ZFAT: variants seen among roughly 807,000 people sequenced by gnomAD.
ZFAT encodes zinc finger protein ZFAT.
ZFAT carries 64 observed loss-of-function variants against 117.7 expected under a neutral mutation model. The ratio of observed to expected loss-of-function variants is 0.54; its 90% confidence interval spans 0.44 to 0.67. The LOEUF is 0.67. Among genes scored for constraint, ZFAT ranks in the 30% least tolerant of loss-of-function variants. The pLI, the probability that ZFAT is intolerant of heterozygous loss-of-function variation, is 0.00. For missense variants in ZFAT, 1,433 were observed against 1,584.5 expected (o/e 0.90, Z 1.62); for synonymous variants, 679 against 615.0 (o/e 1.10, Z -1.54).
At chr8:134,712,816 GTCTC>G in intron 1 of ZFAT, 25 bp downstream of exon 1, 1 of 400,190 alleles carries the variant, frequency 2.5e-6, no homozygotes, top group Non-Finnish European at 3.7e-6. Context: ...CCCCCACCCC[GTCTC>G]ACCCCAACCC....
upstream of ZFAT, among the ~76,000 whole-genome samples, chr8:134,715,039 C>G (rs1180573356): frequency 6.6e-6 from 1 of 152,186 alleles, no homozygotes; most frequent in Non-Finnish European, 1.5e-5. Context: ...TTACAATAAT[C>G]ATTATTTTGC....
At chr8:134,514,434 G>A (rs1280443294) in intron 13 of ZFAT, among the ~76,000 whole-genome samples, 1 of 152,124 alleles carries the variant, frequency 6.6e-6, no homozygotes, top group Non-Finnish European at 1.5e-5. Context: ...AATTGTTTTT[G>A]CATAGATGAA....
At chr8:134,496,254 AAGAAG>A (rs1818427256) in intron 15 of ZFAT, among the ~76,000 whole-genome samples, 1 of 152,248 alleles carries the variant, frequency 6.6e-6, no homozygotes. Context: ...CACAAGTTCA[AAGAAG>A]AGAAGTGTTT....
intron 3 of ZFAT, among the ~76,000 whole-genome samples, chr8:134,627,876 T>C (rs1218326051): frequency 6.6e-6 from 1 of 152,118 alleles, no homozygotes. Flanking sequence ...TGGACTTTGG[T>C]AAAGAAAAGA....
intron 3 of ZFAT, among the ~76,000 whole-genome samples, chr8:134,621,280 T>C (rs1389768034): frequency 6.6e-6 from 1 of 151,750 alleles, no homozygotes; most frequent in African/African-American, 2.4e-5. Flanking sequence ...TTTCTAACAG[T>C]AGTCTATGCC....
At chr8:134,589,987 C>T (rs1045707114) in intron 8 of ZFAT, among the ~76,000 whole-genome samples, 11 of 152,290 alleles carry the variant, frequency 7.2e-5, no homozygotes, top group Admixed American at 1.3e-4. Flanking sequence ...CATATGCGAC[C>T]CATCGAAAGG....
chr8:134,506,133 C>A (rs538035202), intron 15 of ZFAT, among the ~76,000 whole-genome samples: 1 of 152,114 alleles, frequency 6.6e-6, no homozygotes, highest in African/African-American at 2.4e-5. Context: ...ATTTCCTGTG[C>A]GGCTAGCTGT....
At chr8:134,673,634 G>C (rs1483549965) in intron 1 of ZFAT, 2 of 152,402 alleles carry the variant, frequency 1.3e-5, no homozygotes, top group African/African-American at 4.8e-5. Context: ...CTGTCTGCTT[G>C]TATCTTTTCC....
At chr8:134,528,659 C>T (rs1462153854) in intron 12 of ZFAT, among the ~76,000 whole-genome samples, 2 of 152,224 alleles carry the variant, frequency 1.3e-5, no homozygotes, top group African/African-American at 4.8e-5. Context: ...CCTCTTCCTC[C>T]AGTTACCCAC....
chr8:134,619,966 C>T (rs1563685024), intron 3 of ZFAT, among the ~76,000 whole-genome samples: 1 of 152,144 alleles, frequency 6.6e-6, no homozygotes, highest in East Asian at 1.9e-4. Flanking sequence ...TCTGCAGGAG[C>T]AGAAGTTTAG....
intron 1 of ZFAT, among the ~76,000 whole-genome samples, chr8:134,693,915 T>C (rs1033719749): frequency 4.6e-5 from 7 of 152,192 alleles, no homozygotes; most frequent in Admixed American, 2.0e-4. Flanking sequence ...CAAATCATGA[T>C]CACGTGTCTC....
chr8:134,565,097 G>A (rs1326248630), intron 11 of ZFAT: 1 of 1,491,330 alleles, frequency 6.7e-7, no homozygotes, highest in Non-Finnish European at 8.9e-7. Flanking sequence ...TCTTCTGTCT[G>A]CATCCTCTTA....
At chr8:134,505,401 C>T (rs894314791) in intron 15 of ZFAT, among the ~76,000 whole-genome samples, 2 of 152,322 alleles carry the variant, frequency 1.3e-5, no homozygotes, top group African/African-American at 4.8e-5. Context: ...CCGCACCCCT[C>T]AACCAAAGCT....
In ZFAT at chr8:134,608,740, C is replaced by T. The variant is rs1173907688; in HGVS notation, c.774G>A (p.Met258Ile). Residue 258 changes from methionine (M) to isoleucine (I), a missense_variant, in exon 5 of 16, where the codon ATG (methionine) becomes ATA (isoleucine). Met to Ile is a conservative substitution (Grantham distance 10, BLOSUM62 1). This residue lies in a region of ZFAT where 436 missense variants were observed against 482.0 expected (regional missense o/e 0.90). Coordinates refer to ENST00000377838, the MANE Select transcript of ZFAT (RefSeq NM_020863.4). ...ACAAAACACTTTACCTGCTTGACTT[C>T]ATTGGTTGCTCATAAGGTGTCTGCT... The part of the protein sequence containing the change: ...AIQQTPYEQP[M>I]KSSRLGPTQL... The T allele has an allele frequency of 6.2e-7, 1 of 1,610,348 alleles. No homozygotes were observed. The highest frequency in any genetic ancestry group is 1.3e-5 in the African/African-American group (1 of 74,688).
At chr8:134,520,543 G>C (rs948095251) in intron 13 of ZFAT, among the ~76,000 whole-genome samples, 1 of 152,132 alleles carries the variant, frequency 6.6e-6, no homozygotes, top group African/African-American at 2.4e-5. Context: ...TCTCGGTGAG[G>C]ATGGCAATAC....
rs1819672559 is a variant in ZFAT at position 134,509,732 on chromosome 8, T to C, written c.3379A>G (p.Thr1127Ala). 6.2e-7 allele frequency: 1 copy of C among 1,608,322 alleles called. No homozygotes were observed. The highest frequency in any genetic ancestry group is 8.5e-7 in the Non-Finnish European group (1 of 1,178,112). The change falls in exon 15 of 16, where the codon ACG becomes GCG. Residue 1127 changes from threonine (T) to alanine (A), a missense_variant. Thr to Ala is a moderately conservative substitution (Grantham distance 58, BLOSUM62 0). Around this residue, in one of 5 missense-constraint regions of ZFAT, gnomAD observed 503 missense variants for 543.4 expected, o/e 0.93. Transcript: ENST00000377838. ...TSESGDRLDP[T>A]AVNILQQIIE... Reference sequence around the variant, plus strand: ...ATCTGCTGCAGGATGTTCACGGCCGTGGGGTCCAGTCGGTCGCCTTAAGAG... The same window carrying C: ...ATCTGCTGCAGGATGTTCACGGCCGCGGGGTCCAGTCGGTCGCCTTAAGAG...
At chr8:134,698,612 G>C (rs1020513805) in intron 1 of ZFAT, among the ~76,000 whole-genome samples, 4 of 152,156 alleles carry the variant, frequency 2.6e-5, no homozygotes, top group African/African-American at 9.7e-5. Context: ...CATTCTGGTA[G>C]AAGCGTCAGA....
At chr8:134,629,387 G>A (rs1829733620) in intron 3 of ZFAT, among the ~76,000 whole-genome samples, 1 of 152,074 alleles carries the variant, frequency 6.6e-6, no homozygotes, top group Non-Finnish European at 1.5e-5. Flanking sequence ...CGGTCACCAA[G>A]CATTTCCAGG....
At chr8:134,729,372 C>T in the ZFAT span, among the ~76,000 whole-genome samples, 1 of 152,252 alleles carries the variant, frequency 6.6e-6, no homozygotes, top group Non-Finnish European at 1.5e-5. Flanking sequence ...CGCTCTATCA[C>T]CCAGGCTGGA....
Sources: allele counts gnomAD v4.1 joint callset (sites outside exome capture counted in the v4.1 genomes callset), GRCh38; gene constraint gnomAD v4.1.1; regional missense constraint gnomAD v4.1.1; transcripts MANE v1.5; gene names NCBI Gene and HGNC (gene_info 2026-07-23, HGNC 2026-07-21).